Variants in SETD2 observed in about 807,000 individuals in gnomAD.
SETD2 encodes the protein histone-lysine N-methyltransferase SETD2.
In SETD2, 31 loss-of-function variants were observed where a neutral mutation model predicts 242.1. The observed-to-expected ratio is 0.13, with a 90% CI of 0.10 to 0.17. The LOEUF (loss-of-function observed/expected upper bound fraction) is 0.17, where lower values mean the gene tolerates loss of function less well. SETD2 is among the 10% of genes least tolerant of loss of function. SETD2 has a pLI of 1.00. For missense variants in SETD2, 2,481 were observed against 3,046.3 expected, an observed-to-expected ratio of 0.81 and a Z score of 4.37; for synonymous variants, 1,006 against 1,066.5, an observed-to-expected ratio of 0.94 and a Z score of 1.11.
intron 15 of SETD2, among the ~76,000 whole-genome samples, chr3:47,051,069 G>C (rs1423130107): frequency 6.6e-6 from 1 of 151,054 alleles, no homozygotes; most frequent in Non-Finnish European, 1.5e-5. Context: ...ATGTGCAAGT[G>C]ACCATATTCT....
chr3:47,057,325 G>A lies in SETD2; in HGVS notation c.6459C>T (p.Asp2153=), dbSNP rs1168585860. 1 of 1,614,200 alleles carries A rather than the reference G, an allele frequency of 6.2e-7. No individual in the cohort carries two copies. The highest frequency in any genetic ancestry group is 1.7e-5 in the Admixed American group (1 of 60,026). ...GATGCGGGGCATTATAACCAAGAGAGTCATAGGGCAGTGGTGATGTCATTC... is the reference window on the plus strand; with the variant it reads ...GATGCGGGGCATTATAACCAAGAGAATCATAGGGCAGTGGTGATGTCATTC... ...NLGMTSPLPY[D]SLGYNAPHHP... The change falls in exon 15 of 21, where the codon GAC becomes GAT. Residue 2153 remains aspartate, a synonymous_variant. Coordinates refer to ENST00000409792, the MANE Select transcript of SETD2 (RefSeq NM_014159.7).
At chr3:47,029,851 G>A (rs1024778745) in intron 18 of SETD2, among the ~76,000 whole-genome samples, 5 of 152,046 alleles carry the variant, frequency 3.3e-5, no homozygotes, top group African/African-American at 2.4e-5. Context: ...TACAAAAAGC[G>A]GACATTTAAA....
At position 47,057,275 on chromosome 3, in the gene SETD2, C is replaced by A. The variant is rs754096506; in HGVS notation, c.6509G>T (p.Gly2170Val). Residue 2170 changes from glycine to valine, a missense_variant, in exon 15 of 21, where the codon GGT (glycine) becomes GTT (valine). Coordinates refer to ENST00000409792, the MANE Select transcript of SETD2 (RefSeq NM_014159.7). Reference protein sequence around the residue: ...PHHPFAGYPPGYPMQAYVDPS... With the variant: ...PHHPFAGYPPVYPMQAYVDPS... ...ATCCACATAGGCCTGCATGGGATAA[C>A]CTGGTGGGTAACCAGCAAAGGGATG... 2 of 1,614,036 alleles carry A rather than the reference C, an allele frequency of 1.2e-6. No individual in the cohort carries two copies. Among genetic ancestry groups the A allele is most frequent in the African/African-American group, 2.7e-5 (2 of 74,908 alleles).
chr3:47,128,872 A>G (rs1428181455), intron 1 of SETD2, among the ~76,000 whole-genome samples: 1 of 152,170 alleles, frequency 6.6e-6, no homozygotes, highest in Non-Finnish European at 1.5e-5. Flanking sequence ...ATTTGATTTA[A>G]ATTAGTACCA....
In SETD2 at chr3:47,116,811, C is replaced by T. The variant is rs556826762; in HGVS notation, c.4455-57G>A. On this transcript the variant is annotated intron_variant, in intron 3 of 20. Coordinates refer to ENST00000409792, the MANE Select transcript of SETD2 (RefSeq NM_014159.7). Reference sequence around the variant, plus strand: ...AATAAATTTCCTGGTAAAGATATAACATATATAATCAAATATGTGCCAAAT... The same window carrying T: ...AATAAATTTCCTGGTAAAGATATAATATATATAATCAAATATGTGCCAAAT... 13 of 1,237,682 alleles carry T rather than the reference C, an allele frequency of 1.1e-5. No homozygotes were observed. The South Asian group carries it at 1.2e-4, about 11-fold the overall frequency. 76.7% of individuals were successfully genotyped at this position (1,237,682 alleles called of 1,614,324 possible).
chr3:47,037,543 T>A, intron 18 of SETD2, 123 bp downstream of exon 18: 1 of 687,732 alleles, frequency 1.5e-6, no homozygotes. Flanking sequence ...TCTCTACACC[T>A]TGATACATGC....
intron 17 of SETD2, among the ~76,000 whole-genome samples, chr3:47,041,622 G>A (rs1195650058): frequency 6.6e-6 from 1 of 151,934 alleles, no homozygotes; most frequent in African/African-American, 2.4e-5. Flanking sequence ...AGATTATATA[G>A]ATGGGTGTAT....
At position 47,067,404 on chromosome 3, in the gene SETD2, A is replaced by ATC. The variant is rs1178683125; in HGVS notation, c.6061-288_6061-287dup. 4.4e-5 allele frequency among the ~76,000 whole-genome samples: 6 copies of ATC among 137,832 alleles called. No individual in the cohort carries two copies. The East Asian group carries it at 1.2e-3, about 28-fold the overall frequency. The allele number at this position is 137,832 out of a possible 152,430, so 90.4% of individuals were successfully genotyped here. On this transcript the variant is annotated intron_variant, in intron 12 of 20. Coordinates refer to ENST00000409792, the MANE Select transcript of SETD2 (RefSeq NM_014159.7). ...CTGGGCAAGGATACGCTTCCTGAGCATCTTTTTTTTTTTTTTTTTTTTTTT... is the reference window on the plus strand; with the variant it reads ...CTGGGCAAGGATACGCTTCCTGAGCATCTCTTTTTTTTTTTTTTTTTTTTTTT...
At chr3:47,057,621 C>CTA (rs2040137628) in intron 14 of SETD2, 131 bp from the exon 15 acceptor site, 3 of 654,530 alleles carry the variant, frequency 4.6e-6, no homozygotes, top group Admixed American at 2.8e-5. Context: ...TGGTTTACAA[C>CTA]TATACTCAAA....
rs182050321 is a variant in SETD2, at chr3:47,122,181, T to C, written c.2455A>G (p.Ile819Val). 2 of 1,614,050 alleles carry C rather than the reference T, an allele frequency of 1.2e-6. No homozygotes were observed. The highest frequency in any genetic ancestry group is 2.2e-5 in the East Asian group (1 of 44,870). The change falls in exon 3 of 21, where the codon ATT (isoleucine) becomes GTT (valine). Residue 819 changes from isoleucine (I) to valine (V), a missense_variant. Transcript: ENST00000409792. Reference protein sequence around the residue: ...AENIEPSVMKISSNSFMNVHL... With the variant: ...AENIEPSVMKVSSNSFMNVHL... ...ACATTCATAAAGCTATTTGAAGAAA[T>C]CTTCATAACTGAAGGCTCAATATTT...
intron 1 of SETD2, among the ~76,000 whole-genome samples, chr3:47,151,957 T>C (rs913113174): frequency 3.9e-5 from 6 of 152,134 alleles, no homozygotes; most frequent in Admixed American, 3.9e-4. Flanking sequence ...GGAACAGTCT[T>C]TTTATATTCA....
At chr3:47,113,627 A>G (rs1254612156) in intron 5 of SETD2, among the ~76,000 whole-genome samples, 2 of 152,080 alleles carry the variant, frequency 1.3e-5, no homozygotes, top group Admixed American at 6.5e-5. Context: ...TTGCGGTCAG[A>G]GTTCGAAACC....
chr3:47,049,341 A>C (rs2039693697), intron 15 of SETD2, among the ~76,000 whole-genome samples: 2 of 117,844 alleles, frequency 1.7e-5, no homozygotes, highest in African/African-American at 7.3e-5. Flanking sequence ...ATATATATAT[A>C]TATATATGTA....
At chr3:47,138,116 C>T (rs1341534415) in intron 1 of SETD2, among the ~76,000 whole-genome samples, 2 of 148,532 alleles carry the variant, frequency 1.3e-5, no homozygotes, top group African/African-American at 2.5e-5. Flanking sequence ...GGACTACAGG[C>T]GCCCGCCGCC....
chr3:47,107,499 T>C (rs1203557572), intron 5 of SETD2, among the ~76,000 whole-genome samples: 1 of 152,124 alleles, frequency 6.6e-6, no homozygotes. Context: ...CACAAACACA[T>C]TTAGGTCTCA....
intron 14 of SETD2, among the ~76,000 whole-genome samples, chr3:47,061,002 A>C (rs1287825512): frequency 6.6e-6 from 1 of 152,226 alleles, no homozygotes; most frequent in Non-Finnish European, 1.5e-5. Context: ...GCAGATTACG[A>C]GGTCAGGAGA....
chr3:47,058,631 A>G (rs1310384129), intron 14 of SETD2, among the ~76,000 whole-genome samples: 2 of 151,958 alleles, frequency 1.3e-5, no homozygotes, highest in African/African-American at 2.4e-5. Flanking sequence ...AGATGAATGA[A>G]TCTAAAATGC....
intron 12 of SETD2, among the ~76,000 whole-genome samples, chr3:47,073,031 T>A (rs1575728489): frequency 6.7e-6 from 1 of 150,132 alleles, no homozygotes. Context: ...ATGCCTATAG[T>A]CCCAGCCACT....
intron 1 of SETD2, among the ~76,000 whole-genome samples, chr3:47,155,844 T>G (rs999444833): frequency 1.5e-4 from 23 of 152,094 alleles, no homozygotes; most frequent in African/African-American, 5.3e-4. Context: ...TTTTGTTGTT[T>G]TTTTTTTCTG....
Sources: gnomAD v4.1 joint callset for allele counts (sites outside exome capture counted in the v4.1 genomes callset) on GRCh38, gnomAD v4.1.1 for gene constraint, MANE v1.5 for transcripts, NCBI Gene and HGNC (gene_info 2026-07-23, HGNC 2026-07-21) for gene names.